Variants in NAALADL2 observed in about 807,000 individuals in gnomAD.
NAALADL2 encodes N-acetylated alpha-linked acidic dipeptidase like 2, also known as inactive N-acetylated-alpha-linked acidic dipeptidase-like protein 2.
In NAALADL2, 76 loss-of-function variants were observed where a neutral mutation model predicts 87.2. That is an observed-to-expected ratio of 0.87 (90% CI 0.72 to 1.05). The LOEUF is 1.05. Ranked by LOEUF, NAALADL2 falls within the 50% of genes least tolerant of loss-of-function variation. The pLI is 0.00. For synonymous variants in NAALADL2, 354 were observed against 331.0 expected (o/e 1.07, Z -0.75); for missense variants, 1,089 against 945.8 (o/e 1.15, Z -1.99).
intron 2 of NAALADL2, among the ~76,000 whole-genome samples, chr3:174,637,968 A>T (rs1384119937): frequency 6.6e-6 from 1 of 152,160 alleles, no homozygotes; most frequent in Non-Finnish European, 1.5e-5. Flanking sequence ...GCATTTCTAA[A>T]TATTCAAAGT....
intron 5 of NAALADL2, among the ~76,000 whole-genome samples, chr3:175,371,698 C>T (rs574910504): frequency 6.6e-6 from 1 of 151,750 alleles, no homozygotes; most frequent in East Asian, 2.0e-4. Context: ...GGTGCAGGGG[C>T]CTGTAATCCC....
At chr3:174,482,597 A>T (rs1041676831) in intron 1 of NAALADL2, among the ~76,000 whole-genome samples, 2 of 152,040 alleles carry the variant, frequency 1.3e-5, no homozygotes, top group Non-Finnish European at 2.9e-5. Context: ...TCATTTTTCC[A>T]GTATTTAAAA....
intron 9 of NAALADL2, among the ~76,000 whole-genome samples, chr3:175,527,413 A>G (rs1388961197): frequency 1.3e-5 from 2 of 152,204 alleles, no homozygotes; most frequent in African/African-American, 4.8e-5. Context: ...ACGATAAAAT[A>G]CTTTTAGTTA....
chr3:175,495,660 A>T (rs1728708760), intron 9 of NAALADL2, among the ~76,000 whole-genome samples: 1 of 151,814 alleles, frequency 6.6e-6, no homozygotes, highest in Non-Finnish European at 1.5e-5. Flanking sequence ...CTTTATCGTC[A>T]TTTCCTTACC....
At chr3:174,670,860 G>A (rs1726463841) in intron 2 of NAALADL2, among the ~76,000 whole-genome samples, 1 of 151,938 alleles carries the variant, frequency 6.6e-6, no homozygotes, top group African/African-American at 2.4e-5. Context: ...GCTGGAGGTG[G>A]GGCTTGGTGG....
intron 2 of NAALADL2, among the ~76,000 whole-genome samples, chr3:175,100,838 C>CAAAAAAAAAAAAAAAAAAAAAA (rs562200946): frequency 1.4e-5 from 1 of 69,302 alleles, no homozygotes. Context: ...GACTCTGTCT[C>CAAAAAAAAAAAAAAAAAAAAAA]AAAAAAAAAA....
intron 1 of NAALADL2, among the ~76,000 whole-genome samples, chr3:174,965,203 C>T (rs1742691842): frequency 6.6e-6 from 1 of 152,104 alleles, no homozygotes; most frequent in Non-Finnish European, 1.5e-5. Context: ...GATCTCAGTT[C>T]CTCACTGGCC....
chr3:174,964,591 C>T (rs1220517467), intron 1 of NAALADL2, among the ~76,000 whole-genome samples: 1 of 151,932 alleles, frequency 6.6e-6, no homozygotes, highest in African/African-American at 2.4e-5. Flanking sequence ...AGGATGATAT[C>T]TAGAAGCCTA....
intron 5 of NAALADL2, among the ~76,000 whole-genome samples, chr3:175,345,891 A>T (rs902393811): frequency 3.3e-5 from 5 of 152,172 alleles, no homozygotes; most frequent in African/African-American, 1.2e-4. Flanking sequence ...TGCAGGGGCA[A>T]TAAAAAGCTT....
intron 4 of NAALADL2, among the ~76,000 whole-genome samples, chr3:175,318,599 G>T (rs1425374438): frequency 6.6e-6 from 1 of 152,016 alleles, no homozygotes; most frequent in Non-Finnish European, 1.5e-5. Context: ...TTAACATTTT[G>T]CAGTATGTAC....
intron 2 of NAALADL2, among the ~76,000 whole-genome samples, chr3:175,171,550 C>T (rs1734812900): frequency 6.6e-6 from 1 of 151,974 alleles, no homozygotes; most frequent in African/African-American, 2.4e-5. Flanking sequence ...GATATTTGTT[C>T]ATTATTTATT....
intron 2 of NAALADL2, among the ~76,000 whole-genome samples, chr3:175,182,559 T>TTTTG (rs1736736691): frequency 3.0e-5 from 3 of 101,268 alleles, no homozygotes; most frequent in Non-Finnish European, 4.0e-5. Context: ...AGTTTTTTTT[T>TTTTG]TTTTTTTTTT....
At chr3:175,046,002 T>C (rs1275137065) in intron 1 of NAALADL2, among the ~76,000 whole-genome samples, 1 of 139,076 alleles carries the variant, frequency 7.2e-6, no homozygotes, top group African/African-American at 3.0e-5. Flanking sequence ...TTAATATGTC[T>C]AGACTTTATG....
At chr3:174,695,241 A>G (rs183349933) in intron 2 of NAALADL2, among the ~76,000 whole-genome samples, 10 of 152,152 alleles carry the variant, frequency 6.6e-5, no homozygotes, top group East Asian at 3.9e-4. Context: ...TCGAGAGTCT[A>G]TGTTAGAATT....
intron 3 of NAALADL2, among the ~76,000 whole-genome samples, chr3:175,239,336 A>G (rs1460166978): frequency 1.3e-5 from 2 of 152,218 alleles, no homozygotes; most frequent in Admixed American, 1.3e-4. Context: ...CAACTATAAT[A>G]TTATCATAAG....
intron 11 of NAALADL2, among the ~76,000 whole-genome samples, chr3:175,667,664 A>G (rs1733381358): frequency 1.3e-5 from 2 of 151,712 alleles, no homozygotes; most frequent in African/African-American, 2.4e-5. Flanking sequence ...GAAAATGTAC[A>G]CCTTGCTTTT....
chr3:175,178,262 G>T (rs1035961404), intron 2 of NAALADL2, among the ~76,000 whole-genome samples: 1 of 151,832 alleles, frequency 6.6e-6, no homozygotes, highest in African/African-American at 2.4e-5. Context: ...TAGAAGAAAA[G>T]CCATCTCATA....
chr3:174,578,119 A>G lies in NAALADL2; in HGVS notation c.-115+27482A>G, dbSNP rs950731772. Among the ~76,000 whole-genome samples the G allele has an allele frequency of 2.6e-5, 4 of 151,984 alleles. No homozygotes were observed. The South Asian group carries it at 8.3e-4, about 31-fold the overall frequency. ...AAAAAAGGTTTTAAAAAGTTAACGT[A>G]TTATCACTGACCTGTGGAACAATGC... On this transcript the variant is annotated intron_variant, in intron 2 of 3. Coordinates refer to the NAALADL2 transcript ENST00000434257.
At chr3:175,419,261 A>G (rs1049038288) in intron 5 of NAALADL2, among the ~76,000 whole-genome samples, 2 of 151,930 alleles carry the variant, frequency 1.3e-5, no homozygotes, top group East Asian at 3.8e-4. Flanking sequence ...AGGTAGATAA[A>G]TTGAATTAGG....
Sources: allele counts gnomAD v4.1 joint callset (sites outside exome capture counted in the v4.1 genomes callset), GRCh38; gene constraint gnomAD v4.1.1; transcripts MANE v1.5; gene names NCBI Gene and HGNC (gene_info 2026-07-23, HGNC 2026-07-21).